Variants in NECAB2 observed in about 807,000 individuals in gnomAD.
NECAB2 encodes N-terminal EF-hand calcium-binding protein 2.
In NECAB2, 68 loss-of-function variants were observed where a neutral mutation model predicts 51.9. That is an observed-to-expected ratio of 1.31 (90% CI 1.08 to 1.60). The LOEUF is 1.60. Ranked by LOEUF, NECAB2 falls within the 40% of genes most tolerant of loss-of-function variation. The pLI is 0.00. For synonymous variants in NECAB2, 329 were observed against 203.5 expected, an observed-to-expected ratio of 1.62 and a Z score of -5.25; for missense variants, 854 against 490.3, an observed-to-expected ratio of 1.74 and a Z score of -7.00.
rs868685458 is a variant in NECAB2 at position 83,983,118 on chromosome 16, C to T, written c.459+1991C>T. ...TCCTGACTTGAGGTGATCCGCCCACCTCGGCCTCCCAAAGTGCTGGGATTA... is the reference window on the plus strand; with the variant it reads ...TCCTGACTTGAGGTGATCCGCCCACTTCGGCCTCCCAAAGTGCTGGGATTA... On this transcript the variant is annotated intron_variant, in intron 5 of 12. Coordinates refer to ENST00000305202, the MANE Select transcript of NECAB2 (RefSeq NM_019065.3). Among the ~76,000 whole-genome samples the T allele has an allele frequency of 1.6e-4, 25 of 152,230 alleles. 1 individual carries two copies. In the Middle Eastern group the frequency reaches 0.014, roughly 83 times the overall value.
chr16:83,968,041 G>A (rs2084306981), upstream of NECAB2, among the ~76,000 whole-genome samples: 1 of 152,088 alleles, frequency 6.6e-6, no homozygotes, highest in Admixed American at 6.5e-5. Context: ...TGGGTGGATG[G>A]AGTATGAAGG....
At chr16:83,967,968 G>A (rs1011978464), upstream of NECAB2, among the ~76,000 whole-genome samples, 3 of 151,092 alleles carry the variant, frequency 2.0e-5, no homozygotes, top group South Asian at 2.1e-4. Context: ...ATTGATGGAC[G>A]GGTAGGCAGG....
chr16:83,965,336 C>T (rs562060656), upstream of NECAB2: 2 of 1,573,210 alleles, frequency 1.3e-6, no homozygotes, highest in Non-Finnish European at 1.7e-6. Context: ...CCCGGCCCGG[C>T]TGGGCATCCC....
At chr16:83,998,649 C>G (rs1259723234) in intron 10 of NECAB2, among the ~76,000 whole-genome samples, 2 of 152,186 alleles carry the variant, frequency 1.3e-5, no homozygotes, top group Non-Finnish European at 1.5e-5. Context: ...CTGGTGTGCC[C>G]CGTGCGCTCA....
rs752937366 is a variant in NECAB2 at position 83,990,473 on chromosome 16, CCTCTT to C, written c.460-14_460-10del. On this transcript the variant is annotated splice_polypyrimidine_tract_variant and intron_variant, in intron 5 of 12. Transcript: ENST00000305202. The stretch of plus-strand genomic sequence containing the variant: ...CCCTCCCACCCCTTTCCCCTCAGTG[CCTCTT>C]CTCTTCCTTCCACAGGTATATGAGG... 6.2e-7 allele frequency: 1 copy of C among 1,613,254 alleles called. No individual in the cohort carries two copies. Among genetic ancestry groups the C allele is most frequent in the South Asian group, 1.1e-5 (1 of 91,016 alleles).
chr16:83,974,306 C>A (rs2084381125), intron 2 of NECAB2, among the ~76,000 whole-genome samples: 1 of 152,152 alleles, frequency 6.6e-6, no homozygotes, highest in South Asian at 2.1e-4. Flanking sequence ...GTCTCAGTTT[C>A]CTTATCTGTA....
At position 83,978,451 on chromosome 16, in the gene NECAB2, G is replaced by A. The variant is rs62620705; in HGVS notation, c.234G>A (p.Gly78=). Reference sequence around the variant, plus strand: ...CTGCTTCCTTCCTTGCAGATGATGGGAAGCTGTCCTTGGAGGAATTCCAGC... The same window carrying A: ...CTGCTTCCTTCCTTGCAGATGATGGAAAGCTGTCCTTGGAGGAATTCCAGC... ...IFRRADKNDD[G]KLSLEEFQLF... Residue 78 remains glycine (G), a synonymous_variant, in exon 3 of 13, where the codon GGG becomes GGA. Transcript: ENST00000305202. The A allele has an allele frequency of 1.2e-6, 2 of 1,613,616 alleles. No homozygotes were observed. The highest frequency in any genetic ancestry group is 2.7e-5 in the African/African-American group (2 of 74,856).
chr16:84,002,297 A>T (rs749875078), intron 12 of NECAB2, 21 bp from the exon 13 acceptor site: 1 of 1,613,552 alleles, frequency 6.2e-7, no homozygotes, highest in Non-Finnish European at 8.5e-7. Context: ...CCTTCCCTCT[A>T]ACGTGTCTCT....
intron 9 of NECAB2, among the ~76,000 whole-genome samples, chr16:83,997,579 C>T (rs1218998091): frequency 7.0e-6 from 1 of 143,590 alleles, no homozygotes; most frequent in East Asian, 2.1e-4. Flanking sequence ...CCTCTGCCTC[C>T]TGGGTTCAAG....
chr16:83,998,399 T>C, intron 10 of NECAB2, 82 bp downstream of exon 10: 1 of 1,357,068 alleles, frequency 7.4e-7, no homozygotes, highest in Non-Finnish European at 1.0e-6. Context: ...GACTAGGCTT[T>C]GCCCTAAGTA....
intron 5 of NECAB2, among the ~76,000 whole-genome samples, chr16:83,981,857 T>A (rs900441448): frequency 2.0e-5 from 3 of 152,192 alleles, no homozygotes; most frequent in African/African-American, 7.2e-5. Flanking sequence ...GACCCACAGG[T>A]GCTCGAGGCA....
upstream of NECAB2, among the ~76,000 whole-genome samples, chr16:83,967,154 G>C (rs1481406047): frequency 6.6e-6 from 1 of 152,172 alleles, no homozygotes; most frequent in East Asian, 1.9e-4. Context: ...TCACAGGCAT[G>C]AGCCACCACA....
intron 5 of NECAB2, among the ~76,000 whole-genome samples, chr16:83,981,907 C>A (rs1451644583): frequency 1.3e-5 from 2 of 152,298 alleles, no homozygotes; most frequent in Admixed American, 6.5e-5. Context: ...TCCAGAAAAG[C>A]CCAGCCTTGT....
chr16:83,996,851 C>T (rs561360493), intron 8 of NECAB2, among the ~76,000 whole-genome samples: 63 of 152,194 alleles, frequency 4.1e-4, no homozygotes, highest in African/African-American at 1.5e-3. Context: ...TGGGGAAGAC[C>T]AGAGAGAACA....
chr16:83,969,651 G>A (rs1395899561), intron 1 of NECAB2, among the ~76,000 whole-genome samples: 1 of 152,064 alleles, frequency 6.6e-6, no homozygotes, highest in African/African-American at 2.4e-5. Flanking sequence ...CACCCGGGAG[G>A]GAGGAATCTT....
intron 2 of NECAB2, 126 bp downstream of exon 2, chr16:83,972,301 G>C (rs2084358449): frequency 1.5e-6 from 2 of 1,354,402 alleles, no homozygotes; most frequent in African/African-American, 2.9e-5. Flanking sequence ...GGGGTCTGAA[G>C]TTAGAAGGCC....
intron 11 of NECAB2, 121 bp from the exon 12 acceptor site, chr16:84,001,688 CAAAGGCTCTGAGTCCA>C: frequency 1.1e-6 from 1 of 872,116 alleles, no homozygotes; most frequent in Non-Finnish European, 1.8e-6. Context: ...CACCTTCCCA[CAAAGGCTCTGAGTCCA>C]AAGACCCCCC....
chr16:83,997,119 G>T, intron 8 of NECAB2, 97 bp from the exon 9 acceptor site: 1 of 1,477,878 alleles, frequency 6.8e-7, no homozygotes. Context: ...CCGGGTCCTT[G>T]GGAGCTCCCA....
chr16:83,970,350 C>T (rs1014594465), intron 1 of NECAB2, among the ~76,000 whole-genome samples: 1 of 152,048 alleles, frequency 6.6e-6, no homozygotes, highest in Non-Finnish European at 1.5e-5. Flanking sequence ...ATCTGGGACA[C>T]CCAGATAGGG....
Sources: allele counts gnomAD v4.1 joint callset (sites outside exome capture counted in the v4.1 genomes callset), GRCh38; gene constraint gnomAD v4.1.1; transcripts MANE v1.5; gene names NCBI Gene and HGNC (gene_info 2026-07-23, HGNC 2026-07-21).